CHLSN: variants seen among roughly 807,000 people sequenced by gnomAD.
CHLSN encodes the protein protein cholesin.
chr7:1,057,690 A>G, the CHLSN span: 4 of 774,106 alleles, frequency 5.2e-6, no homozygotes, highest in African/African-American at 5.1e-5. Flanking sequence ...CAAGGCCAGC[A>G]TGACCATGCC....
the CHLSN span, among the ~76,000 whole-genome samples, chr7:1,124,574 G>C: frequency 4.1e-5 from 4 of 97,082 alleles, no homozygotes; most frequent in Non-Finnish European, 7.9e-5. Flanking sequence ...GGTGGGGGGG[G>C]AGGGGGGAGG....
chr7:1,036,154 G>A, the CHLSN span, among the ~76,000 whole-genome samples: 2 of 152,226 alleles, frequency 1.3e-5, no homozygotes, highest in Non-Finnish European at 2.9e-5. Flanking sequence ...TTGGGGCAGT[G>A]AAGCTGCTGC....
the CHLSN span, among the ~76,000 whole-genome samples, chr7:1,041,328 G>GACCT: frequency 2.2e-3 from 238 of 108,560 alleles, 12 homozygotes; most frequent in Middle Eastern, 4.3e-3. Flanking sequence ...GCGGGGAAGG[G>GACCT]GGCCTGGGGT....
chr7:1,104,383 C>G, the CHLSN span, among the ~76,000 whole-genome samples: 2 of 152,234 alleles, frequency 1.3e-5, no homozygotes, highest in African/African-American at 4.8e-5. Context: ...GCACTCCAGC[C>G]TGGGAAACAG....
chr7:988,047 G>GGGGGTCCCCTCTGTGTGTCCTA, the CHLSN span, among the ~76,000 whole-genome samples: 2 of 151,712 alleles, frequency 1.3e-5, no homozygotes, highest in African/African-American at 4.8e-5. Context: ...TGTGTGTCCT[G>GGGGGTCCCCTCTGTGTGTCCTA]GGGCGTCCCT....
the CHLSN span, among the ~76,000 whole-genome samples, chr7:1,123,550 G>A: frequency 4.9e-4 from 74 of 151,930 alleles, no homozygotes; most frequent in Non-Finnish European, 1.5e-4. This position sits in a 1 kb window ranked among gnomAD's most constrained non-coding sequence, Gnocchi z 4.4. Context: ...AGGCCCAGCC[G>A]CCCACCCTCC....
the CHLSN span, among the ~76,000 whole-genome samples, chr7:1,039,127 C>T: frequency 2.0e-5 from 1 of 48,958 alleles, no homozygotes; most frequent in African/African-American, 9.5e-5. Flanking sequence ...TGCCCGGCCG[C>T]CCCTACTGGG....
chr7:1,115,368 C>T, the CHLSN span, among the ~76,000 whole-genome samples: 8 of 152,254 alleles, frequency 5.3e-5, no homozygotes, highest in African/African-American at 1.4e-4. Context: ...TCGCCCTCAC[C>T]GGGCGCCAGG....
chr7:1,118,458 C>T, the CHLSN span, among the ~76,000 whole-genome samples: 3 of 152,178 alleles, frequency 2.0e-5, no homozygotes, highest in Non-Finnish European at 4.4e-5. Flanking sequence ...ACCATTATGA[C>T]ACACCAAAGG....
chr7:1,058,147 C>G, the CHLSN span: 1 of 740,816 alleles, frequency 1.3e-6, no homozygotes, highest in South Asian at 1.4e-5. Context: ...GTGCTACTCT[C>G]CCGCGTCCGC....
the CHLSN span, among the ~76,000 whole-genome samples, chr7:1,055,754 C>T: frequency 6.6e-6 from 1 of 152,114 alleles, no homozygotes; most frequent in African/African-American, 2.4e-5. Flanking sequence ...AGGCAGCACA[C>T]AAGGCACACA....
At chr7:990,576 C>T in the CHLSN span, among the ~76,000 whole-genome samples, 1 of 152,046 alleles carries the variant, frequency 6.6e-6, no homozygotes, top group Admixed American at 6.5e-5. Flanking sequence ...GCACGGCAGG[C>T]CTCACACTCC....
chr7:1,010,784 G>A, the CHLSN span, among the ~76,000 whole-genome samples: 1 of 152,176 alleles, frequency 6.6e-6, no homozygotes, highest in African/African-American at 2.4e-5. Flanking sequence ...ACGGTGCAAA[G>A]CGTCAAAGCC....
chr7:997,641 A>T, the CHLSN span: 27 of 1,607,204 alleles, frequency 1.7e-5, no homozygotes, highest in African/African-American at 3.5e-4. Context: ...GAGCAGCTGC[A>T]GCACCTGTCG....
At chr7:987,435 C>G in the CHLSN span, 1 of 1,589,954 alleles carries the variant, frequency 6.3e-7, no homozygotes, top group Non-Finnish European at 8.5e-7. Flanking sequence ...ACACAAGCGC[C>G]GTGCTCCACG....
chr7:984,973 C>G, the CHLSN span: 1 of 1,606,368 alleles, frequency 6.2e-7, no homozygotes, highest in South Asian at 1.1e-5. Context: ...ATCTGGGGCG[C>G]GCTGGAGGGC....
chr7:1,010,283 G>GAGATCT, the CHLSN span: 1 of 722,282 alleles, frequency 1.4e-6, no homozygotes, highest in Admixed American at 3.2e-5. Context: ...GGCCCCAGCC[G>GAGATCT]ACACCATCCT....
chr7:1,063,286 T>G, the CHLSN span, among the ~76,000 whole-genome samples: 1 of 152,198 alleles, frequency 6.6e-6, no homozygotes. Flanking sequence ...GGACAAGGAC[T>G]GGGCAGGGGC....
the CHLSN span, among the ~76,000 whole-genome samples, chr7:1,107,785 G>A: frequency 2.7e-5 from 4 of 150,260 alleles, no homozygotes; most frequent in African/African-American, 9.7e-5. Context: ...GTCCCACACT[G>A]GAGTCCTGCA....
Sources: gnomAD v4.1 joint callset for allele counts (sites outside exome capture counted in the v4.1 genomes callset) on GRCh38, gnomAD v4.1.1 for gene constraint, Gnocchi (gnomAD v3.1) non-coding constraint, MANE v1.5 for transcripts, NCBI Gene and HGNC (gene_info 2026-07-23, HGNC 2026-07-21) for gene names.